The following ANK3 variants were observed in gnomAD, a reference collection of about 807,000 sequenced individuals.
ANK3 encodes the protein ankyrin 3, also known as ankyrin-3.
A neutral mutation model predicts 370.9 loss-of-function variants in ANK3; 57 were observed. The ratio of observed to expected loss-of-function variants is 0.15; its 90% CI spans 0.12 to 0.19. The LOEUF is 0.19. Among genes scored for constraint, ANK3 ranks in the 10% least tolerant of loss-of-function variants. The probability of loss-of-function intolerance (pLI) is 1.00; values close to 1 mark genes in which losing one functional copy is unlikely to be tolerated. For synonymous variants in ANK3, 1,929 were observed against 1,946.3 expected (o/e 0.99, Z 0.23); for missense variants, 4,439 against 5,302.1 (o/e 0.84, Z 5.06).
At chr10:60,466,204 T>A (rs2065009017) in intron 2 of ANK3, among the ~76,000 whole-genome samples, 1 of 152,198 alleles carries the variant, frequency 6.6e-6, no homozygotes, top group African/African-American at 2.4e-5. Context: ...AGGGCATAAT[T>A]GTCTTCTAGT....
chr10:60,583,251 C>G (rs2077780181), intron 2 of ANK3, among the ~76,000 whole-genome samples: 1 of 152,014 alleles, frequency 6.6e-6, no homozygotes, highest in African/African-American at 2.4e-5. Context: ...CGAAATAAGC[C>G]AGGCACAGAA....
At chr10:60,169,372 T>TTG (rs2095714884) in intron 21 of ANK3, among the ~76,000 whole-genome samples, 2 of 142,930 alleles carry the variant, frequency 1.4e-5, no homozygotes, top group African/African-American at 5.7e-5. Flanking sequence ...TAGTTTTTTT[T>TTG]TTTTTTTTTT....
At position 60,213,469 on chromosome 10, in the gene ANK3, G is replaced by T. The variant is rs368047582; in HGVS notation, c.939C>A (p.His313Gln). ...TPLHCGARSG[H>Q]EQVVEMLLDR... ...CAAGCAACATTTCTACCACCTGCTC[G>T]TGGCCACTCCTTGCTCCACAGTGCA... The change falls in exon 9 of 44, where the codon CAC becomes CAA. Residue 313 changes from histidine (H) to glutamine (Q), a missense_variant. Transcript: ENST00000280772. The T allele has an allele frequency of 5.0e-6, 8 of 1,612,584 alleles. No homozygotes were observed. In the South Asian group the frequency reaches 7.7e-5, roughly 16 times the overall value.
chr10:60,461,343 T>C (rs777378308), intron 2 of ANK3, among the ~76,000 whole-genome samples: 2 of 152,208 alleles, frequency 1.3e-5, no homozygotes, highest in African/African-American at 2.4e-5. Flanking sequence ...AAAGAACTAA[T>C]GCAGTTTAAT....
intron 1 of ANK3, among the ~76,000 whole-genome samples, chr10:60,625,879 T>A (rs892621563): frequency 3.3e-5 from 5 of 152,216 alleles, no homozygotes; most frequent in African/African-American, 1.2e-4. Context: ...TAGATTAAAG[T>A]AACACCTAGG....
At chr10:60,172,474 T>A in intron 20 of ANK3, 71 bp from the exon 21 acceptor site, 1 of 1,224,214 alleles carries the variant, frequency 8.2e-7, no homozygotes, top group Non-Finnish European at 1.2e-6. Context: ...ATACAAAATG[T>A]AAGGTGAGTG....
intron 2 of ANK3, among the ~76,000 whole-genome samples, chr10:60,538,049 C>T (rs2076763411): frequency 6.6e-6 from 1 of 151,826 alleles, no homozygotes; most frequent in Non-Finnish European, 1.5e-5. Flanking sequence ...AATGTCATTT[C>T]CCTCTAAGCA....
Position 60,027,047 on chromosome 10 carries a change from C to T in ANK3, c.*2799G>A, listed in dbSNP as rs12256266. The stretch of plus-strand genomic sequence containing the variant: ...CTTGAATGTCATATTTTGGATACTT[C>T]TGAGTAAACTTATGACCTCCTGCTT... On this transcript the variant is annotated 3_prime_UTR_variant, in exon 44 of 44. Coordinates refer to ENST00000280772, the MANE Select transcript of ANK3 (RefSeq NM_020987.5). 1 of 152,110 alleles carries T rather than the reference C, an allele frequency of 6.6e-6. No homozygotes were observed. Among genetic ancestry groups the T allele is most frequent in the African/African-American group, 2.4e-5 (1 of 41,426 alleles). The allele number at this position is 152,110 out of a possible 1,614,324, so 9.4% of individuals were successfully genotyped here.
At chr10:60,684,649 G>A (rs537394878) in intron 1 of ANK3, 7 of 1,588,776 alleles carry the variant, frequency 4.4e-6, no homozygotes, top group African/African-American at 2.7e-5. Flanking sequence ...TGTAAATACC[G>A]TACCTACCAA....
At chr10:60,428,125 T>A (rs1187362856) in intron 2 of ANK3, among the ~76,000 whole-genome samples, 1 of 152,196 alleles carries the variant, frequency 6.6e-6, no homozygotes, top group Non-Finnish European at 1.5e-5. Context: ...AGCATTTCCA[T>A]GCAGTGAGTC....
chr10:60,446,250 T>A (rs2064442180), intron 2 of ANK3, among the ~76,000 whole-genome samples: 1 of 152,130 alleles, frequency 6.6e-6, no homozygotes, highest in African/African-American at 2.4e-5. Context: ...AGGAAGCAAA[T>A]ACCTCCTCCG....
intron 2 of ANK3, among the ~76,000 whole-genome samples, chr10:60,442,063 T>C (rs2064312601): frequency 6.6e-6 from 1 of 151,942 alleles, no homozygotes; most frequent in South Asian, 2.1e-4. Context: ...TGATGTATCA[T>C]TTGCATATAA....
At chr10:60,648,883 TGCTCC>T (rs1266539443) in intron 1 of ANK3, among the ~76,000 whole-genome samples, 1 of 151,350 alleles carries the variant, frequency 6.6e-6, no homozygotes, top group African/African-American at 2.4e-5. Flanking sequence ...CTCCTGCTCC[TGCTCC>T]TGCTCCCCCA....
At chr10:60,507,069 T>C (rs1012064174) in intron 2 of ANK3, among the ~76,000 whole-genome samples, 1 of 152,074 alleles carries the variant, frequency 6.6e-6, no homozygotes, top group Non-Finnish European at 1.5e-5. Flanking sequence ...TTTAAGATGA[T>C]GGATATGCTA....
At position 60,240,306 on chromosome 10, in the gene ANK3, A is replaced by ATTTTTT. The variant is rs1555186003; in HGVS notation, c.799-5526_799-5521dup. Among the ~76,000 whole-genome samples the ATTTTTT allele has an allele frequency of 1.9e-3, 230 of 119,736 alleles. 12 individuals carry two copies. Among genetic ancestry groups the ATTTTTT allele is most frequent in the East Asian group, 0.011 (49 of 4,354 alleles). 78.6% of individuals were successfully genotyped at this position (119,736 alleles called of 152,430 possible). A position where few individuals can be genotyped will look rare whatever the true frequency, so the allele number is the denominator to read the frequency against. On this transcript the variant is annotated intron_variant, in intron 7 of 43. Transcript: ENST00000280772. ...CATATATATATATATATATATATAT[A>ATTTTTT]TTTTTTTTTCTTTTTGAGATAGAGT...
chr10:60,189,362 G>C (rs12269543), intron 16 of ANK3, among the ~76,000 whole-genome samples: 15,519 of 152,156 alleles, frequency 0.1, 990 homozygotes, highest in African/African-American at 0.16. Flanking sequence ...CAGATACAGG[G>C]AGAGACAGAG....
At chr10:60,332,616 C>T (rs1304253426) in intron 1 of ANK3, among the ~76,000 whole-genome samples, 2 of 152,124 alleles carry the variant, frequency 1.3e-5, no homozygotes, top group African/African-American at 4.8e-5. Context: ...TCAGTATTGC[C>T]ACATTTGTTT....
intron 42 of ANK3, among the ~76,000 whole-genome samples, chr10:60,052,399 T>C (rs2078246228): frequency 6.6e-6 from 1 of 152,150 alleles, no homozygotes. Context: ...ATTCAAGAGA[T>C]TAATATCAGC....
chr10:60,705,541 T>C (rs2079602644), intron 1 of ANK3, among the ~76,000 whole-genome samples: 1 of 152,122 alleles, frequency 6.6e-6, no homozygotes. Flanking sequence ...AAAGTCTATG[T>C]CCTTAATTAA....
Sources: allele counts gnomAD v4.1 joint callset (sites outside exome capture counted in the v4.1 genomes callset), GRCh38; gene constraint gnomAD v4.1.1; transcripts MANE v1.5; gene names NCBI Gene and HGNC (gene_info 2026-07-23, HGNC 2026-07-21).